The following NAA16 variants were observed in gnomAD, a reference collection of about 807,000 sequenced individuals.
NAA16 encodes N-alpha-acetyltransferase 16, NatA auxiliary subunit.
A neutral mutation model predicts 110.3 loss-of-function variants in NAA16; 97 were observed. The ratio of observed to expected loss-of-function variants is 0.88; its 90% CI spans 0.75 to 1.04. The LOEUF is 1.04. Among genes scored for constraint, NAA16 ranks in the 50% least tolerant of loss-of-function variants. NAA16 has a pLI of 0.00. For missense variants in NAA16, 1,017 were observed against 1,005.1 expected (o/e 1.01, Z -0.16); for synonymous variants, 372 against 330.6 (o/e 1.13, Z -1.36).
At chr13:41,362,254 T>C (rs2043127788) in intron 13 of NAA16, 95 bp downstream of exon 13, 1 of 1,352,758 alleles carries the variant, frequency 7.4e-7, no homozygotes, top group African/African-American at 1.5e-5. Flanking sequence ...CTAACTTCTC[T>C]GGGAGCTTCA....
chr13:41,339,865 C>T (rs920517640), intron 9 of NAA16, among the ~76,000 whole-genome samples: 32 of 152,064 alleles, frequency 2.1e-4, no homozygotes, highest in African/African-American at 5.8e-4. Flanking sequence ...GACTAAGTTG[C>T]ATAAGGTTTT....
At chr13:41,359,778 CTAATA>C (rs1310291827) in intron 12 of NAA16, among the ~76,000 whole-genome samples, 2 of 151,832 alleles carry the variant, frequency 1.3e-5, no homozygotes, top group African/African-American at 2.4e-5. Flanking sequence ...ATAATATAAT[CTAATA>C]TAATAGAAAA....
In NAA16 at chr13:41,325,709, C is replaced by G; in HGVS notation, c.549C>G (p.Asn183Lys). The part of the protein sequence containing the change: ...EFRQTQQVPP[N>K]KIDYEYSELI... Reference sequence around the variant, plus strand: ...TCATTTTTTTTCAGGTTCCTCCAAACAAAATAGATTATGAATATAGTGAAT... The same window carrying G: ...TCATTTTTTTTCAGGTTCCTCCAAAGAAAATAGATTATGAATATAGTGAAT... Residue 183 changes from asparagine to lysine, a missense_variant, in exon 6 of 20, where the codon AAC (asparagine) becomes AAG (lysine). Asn to Lys is a moderately conservative substitution (Grantham distance 94, BLOSUM62 0). Transcript: ENST00000379406. The G allele has an allele frequency of 1.9e-6, 3 of 1,569,936 alleles. No individual in the cohort carries two copies. Among genetic ancestry groups the G allele is most frequent in the Non-Finnish European group, 2.6e-6 (3 of 1,155,766 alleles).
chr13:41,369,426 G>A (rs1356905726), intron 15 of NAA16, 143 bp downstream of exon 15: 1 of 884,152 alleles, frequency 1.1e-6, no homozygotes, highest in Admixed American at 3.1e-5. Context: ...AATTATCTTT[G>A]AGTGACAGTA....
intron 10 of NAA16, 62 bp downstream of exon 10, chr13:41,355,278 G>C (rs149505989): frequency 2.3e-5 from 24 of 1,023,500 alleles, no homozygotes; most frequent in Middle Eastern, 2.1e-4. Context: ...TCACAGTAAT[G>C]CTCTTTTATG....
At position 41,362,005 on chromosome 13, in the gene NAA16, T is replaced by C. The variant is rs763310945; in HGVS notation, c.1411-26T>C. 8 of 1,609,396 alleles carry C rather than the reference T, an allele frequency of 5.0e-6. No homozygotes were observed. In the Admixed American group the frequency reaches 1.4e-4, roughly 27 times the overall value. On this transcript the variant is annotated intron_variant, in intron 12 of 19. Coordinates refer to ENST00000379406, the MANE Select transcript of NAA16 (RefSeq NM_024561.5). ...AGGATCTCTTTCATTGTTTGCTCTCTATAGTTTTGAATGCTTCCATTTCAG... is the reference window on the plus strand; with the variant it reads ...AGGATCTCTTTCATTGTTTGCTCTCCATAGTTTTGAATGCTTCCATTTCAG...
At chr13:41,330,026 AT>A (rs11326519) in intron 7 of NAA16, among the ~76,000 whole-genome samples, 142,571 of 150,580 alleles carry the variant, frequency 0.95, 67,556 homozygotes, top group South Asian at 0.99. Flanking sequence ...GTAGTGGATA[AT>A]TTTTTTTTTT....
At chr13:41,363,450 T>A (rs1187007042) in intron 13 of NAA16, among the ~76,000 whole-genome samples, 1 of 152,182 alleles carries the variant, frequency 6.6e-6, no homozygotes, top group African/African-American at 2.4e-5. Flanking sequence ...ATTATAGTTC[T>A]GAACTTCTTG....
At position 41,325,114 on chromosome 13, in the gene NAA16, C is replaced by T. The variant is rs1287325798; in HGVS notation, c.538-584C>T. Among the ~76,000 whole-genome samples the T allele has an allele frequency of 2.6e-5, 4 of 151,876 alleles. No homozygotes were observed. In the South Asian group the frequency reaches 6.2e-4, roughly 24 times the overall value. On this transcript the variant is annotated intron_variant, in intron 5 of 19. Coordinates refer to ENST00000379406, the MANE Select transcript of NAA16 (RefSeq NM_024561.5). ...CTGGGATTACAGGCATGTGCCACCA[C>T]GCCAGGCTAATTTTGTATTTTAGTA...
rs948617061 is a variant in NAA16, at chr13:41,332,711, A to G, written c.907+1342A>G. Among the ~76,000 whole-genome samples the G allele has an allele frequency of 3.3e-5, 5 of 152,160 alleles. No homozygotes were observed. In the South Asian group the frequency reaches 1.0e-3, roughly 32 times the overall value. ...TGGAGAGGCGAGGAGTTTATTTTCT[A>G]TTCTCATAGTGGCAAATATTTGTTT... is the stretch of plus-strand genomic sequence containing the variant. On this transcript the variant is annotated intron_variant, in intron 8 of 19. Coordinates refer to ENST00000379406, the MANE Select transcript of NAA16 (RefSeq NM_024561.5).
At chr13:41,325,509 T>C (rs2042070014) in intron 5 of NAA16, among the ~76,000 whole-genome samples, 189 bp from the exon 6 acceptor site, 1 of 152,154 alleles carries the variant, frequency 6.6e-6, no homozygotes, top group African/African-American at 2.4e-5. Context: ...TAGACAGAAG[T>C]CCCACCCTAT....
At position 41,375,480 on chromosome 13, in the gene NAA16, A is replaced by T. The variant is rs754819582; in HGVS notation, c.2473A>T (p.Met825Leu). Reference sequence around the variant, plus strand: ...TAGTTCCCAATATGAAGAATATAGGATGGCCTGTCATAACCTGCTTCCTTT... The same window carrying T: ...TAGTTCCCAATATGAAGAATATAGGTTGGCCTGTCATAACCTGCTTCCTTT... ...NCSSQYEEYR[M>L]ACHNLLPFTS... Residue 825 changes from methionine to leucine, a missense_variant, in exon 20 of 20, where the codon ATG becomes TTG. By Grantham distance (15) the Met-to-Leu change is conservative (BLOSUM62 2). Coordinates refer to ENST00000379406, the MANE Select transcript of NAA16 (RefSeq NM_024561.5). The T allele has an allele frequency of 2.5e-6, 4 of 1,613,892 alleles. No individual in the cohort carries two copies. The highest frequency in any genetic ancestry group is 1.6e-4 in the Middle Eastern group (1 of 6,082).
intron 6 of NAA16, chr13:41,328,141 C>A (rs1032248811): frequency 6.6e-6 from 1 of 152,080 alleles, no homozygotes; most frequent in Non-Finnish European, 1.5e-5. Flanking sequence ...TTCCACACCA[C>A]CTCTTAATTT....
chr13:41,373,815 G>C, intron 18 of NAA16, 35 bp downstream of exon 18: 1 of 1,550,794 alleles, frequency 6.4e-7, no homozygotes, highest in Non-Finnish European at 8.7e-7. Flanking sequence ...AAATACTTAT[G>C]GAAAAAGCGA....
intron 9 of NAA16, among the ~76,000 whole-genome samples, chr13:41,351,115 C>T (rs2042824513): frequency 6.6e-6 from 1 of 152,156 alleles, no homozygotes; most frequent in Non-Finnish European, 1.5e-5. Flanking sequence ...AGTTGGACAT[C>T]AGTGCTCGTG....
intron 1 of NAA16, among the ~76,000 whole-genome samples, chr13:41,313,462 A>C (rs377097681): frequency 6.6e-6 from 1 of 152,384 alleles, no homozygotes; most frequent in East Asian, 1.9e-4. Flanking sequence ...TCACAATTGC[A>C]ATAAATGTGG....
Position 41,375,525 on chromosome 13 carries a change from G to T in NAA16, c.2518G>T (p.Ala840Ser), listed in dbSNP as rs1364411100. Reference sequence around the variant, plus strand: ...TCCTTTTACATCTGCCTTCTTGCCTGCTGTGAATGAAGTCGACAATCCTAA... The same window carrying T: ...TCCTTTTACATCTGCCTTCTTGCCTTCTGTGAATGAAGTCGACAATCCTAA... ...LLPFTSAFLP[A>S]VNEVDNPNVA... Residue 840 changes from alanine (A) to serine (S), a missense_variant, in exon 20 of 20, where the codon GCT becomes TCT. Coordinates refer to ENST00000379406, the MANE Select transcript of NAA16 (RefSeq NM_024561.5). The T allele has an allele frequency of 6.2e-7, 1 of 1,614,054 alleles. No individual in the cohort carries two copies. The highest frequency in any genetic ancestry group is 8.5e-7 in the Non-Finnish European group (1 of 1,179,954).
At position 41,376,577 on chromosome 13, in the gene NAA16, G is replaced by A. The variant is rs911221839; in HGVS notation, c.*975G>A. 1.3e-5 allele frequency: 2 copies of A among 152,134 alleles called. No individual in the cohort carries two copies. The highest frequency in any genetic ancestry group is 1.3e-4 in the Admixed American group (2 of 15,276). 9.4% of individuals were successfully genotyped at this position (152,134 alleles called of 1,614,324 possible). ...TGCTTTCTTAACTAAGTTACTTTGA[G>A]TATTAACAAGTAGCTTATACTGAGG... On this transcript the variant is annotated 3_prime_UTR_variant, in exon 20 of 20. Transcript: ENST00000379406.
intron 8 of NAA16, 73 bp downstream of exon 8, chr13:41,331,442 G>A (rs1037982085): frequency 1.7e-5 from 19 of 1,095,256 alleles, no homozygotes; most frequent in South Asian, 4.5e-5. Context: ...TTTTAGAAAC[G>A]TGTTTCTGGT....
Sources: allele counts gnomAD v4.1 joint callset (sites outside exome capture counted in the v4.1 genomes callset), GRCh38; gene constraint gnomAD v4.1.1; transcripts MANE v1.5; gene names NCBI Gene and HGNC (gene_info 2026-07-23, HGNC 2026-07-21).